The following FMN2 variants were observed in gnomAD, a reference collection of about 807,000 sequenced individuals.
FMN2 encodes formin 2.
A neutral mutation model predicts 142.3 loss-of-function variants in FMN2; 51 were observed. That is an observed-to-expected ratio of 0.36 (90% CI 0.29 to 0.45). The LOEUF (loss-of-function observed/expected upper bound fraction) is 0.45, where lower values mean the gene tolerates loss of function less well. Ranked by LOEUF, FMN2 falls within the 20% of genes least tolerant of loss-of-function variation. The probability of loss-of-function intolerance (pLI) is 1.00; values close to 1 mark genes in which losing one functional copy is unlikely to be tolerated. For synonymous variants in FMN2, 882 were observed against 869.8 expected, an observed-to-expected ratio of 1.01 and a Z score of -0.25; for missense variants, 1,936 against 2,122.8, an observed-to-expected ratio of 0.91 and a Z score of 1.73.
At chr1:240,122,047 A>C (rs1571949707) in intron 1 of FMN2, among the ~76,000 whole-genome samples, 1 of 147,472 alleles carries the variant, frequency 6.8e-6, no homozygotes, top group East Asian at 2.0e-4. Context: ...CAAGCGGTTT[A>C]GCCTTTTGGA....
At chr1:240,459,719 A>T in intron 16 of FMN2, among the ~76,000 whole-genome samples, 1 of 10,498 alleles carries the variant, frequency 9.5e-5, no homozygotes, top group South Asian at 2.2e-3. Flanking sequence ...TCTGTCTCTA[A>T]AAAAAAAAAA....
chr1:240,428,495 G>T (rs567869011), intron 15 of FMN2, among the ~76,000 whole-genome samples: 10 of 152,100 alleles, frequency 6.6e-5, no homozygotes, highest in Non-Finnish European at 1.5e-4. Context: ...CTTAAGTGTT[G>T]CAACTGCAGA....
chr1:240,254,777 C>T (rs746380330), intron 6 of FMN2, among the ~76,000 whole-genome samples: 17 of 152,210 alleles, frequency 1.1e-4, no homozygotes, highest in Non-Finnish European at 2.1e-4. Context: ...GGGTCGTTGG[C>T]AAAGGCTTGT....
intron 1 of FMN2, among the ~76,000 whole-genome samples, chr1:240,120,493 A>G (rs1662191625): frequency 1.3e-5 from 2 of 152,230 alleles, no homozygotes; most frequent in East Asian, 3.9e-4. Flanking sequence ...TCACAGAATC[A>G]TAGCATTGTA....
At chr1:240,112,996 GAATA>G (rs1044256963) in intron 1 of FMN2, among the ~76,000 whole-genome samples, 2 of 152,218 alleles carry the variant, frequency 1.3e-5, no homozygotes, top group Non-Finnish European at 2.9e-5. Flanking sequence ...AAATATGGTT[GAATA>G]AATAAACGTA....
At chr1:240,111,588 TG>T (rs1200217729) in intron 1 of FMN2, among the ~76,000 whole-genome samples, 1 of 152,150 alleles carries the variant, frequency 6.6e-6, no homozygotes, top group African/African-American at 2.4e-5. Context: ...GAGGTCACTC[TG>T]GTCACCGTCT....
intron 1 of FMN2, among the ~76,000 whole-genome samples, chr1:240,095,112 A>C (rs1481466182): frequency 2.6e-5 from 4 of 151,400 alleles, no homozygotes; most frequent in Admixed American, 2.6e-4. Context: ...CAAAACAAAT[A>C]AAAAAGAAAG....
chr1:240,328,168 A>AAAAAAAAAAAAAAAAAG (rs1553363688), intron 8 of FMN2, among the ~76,000 whole-genome samples: 1 of 135,806 alleles, frequency 7.4e-6, no homozygotes, highest in African/African-American at 2.8e-5. Context: ...AAAAAAAAAA[A>AAAAAAAAAAAAAAAAAG]AAAAGAAAAA....
intron 15 of FMN2, among the ~76,000 whole-genome samples, chr1:240,424,639 T>C (rs1256752330): frequency 1.3e-5 from 2 of 152,214 alleles, no homozygotes; most frequent in Non-Finnish European, 2.9e-5. Flanking sequence ...CCTTCACTCG[T>C]AGACCTTACT....
chr1:240,142,620 A>C (rs1369634203), intron 2 of FMN2: 1 of 1,536,258 alleles, frequency 6.5e-7, no homozygotes, highest in Non-Finnish European at 8.9e-7. Flanking sequence ...AGCAGGATGC[A>C]TGGCCCACTG....
At position 240,336,602 on chromosome 1, in the gene FMN2, C is replaced by T. The variant is rs563961598; in HGVS notation, c.4765+2373C>T. On this transcript the variant is annotated intron_variant, in intron 13 of 17. Transcript: ENST00000319653. The stretch of plus-strand genomic sequence containing the variant: ...AAAAAAGGTGGTTGCAATTGTTTTC[C>T]CATTTATTACAGAGAACTTTTTTCA... Among the ~76,000 whole-genome samples, 342 of 142,952 alleles carry T rather than the reference C, an allele frequency of 2.4e-3. 1 individual carries two copies. The highest frequency in any genetic ancestry group is 8.4e-3 in the African/African-American group (328 of 38,924). The allele number at this position is 142,952 out of a possible 152,430, so 93.8% of individuals were successfully genotyped here. A position where few individuals can be genotyped will look rare whatever the true frequency, so the allele number is the denominator to read the frequency against.
intron 2 of FMN2, among the ~76,000 whole-genome samples, chr1:240,149,304 GATTA>G (rs1175869483): frequency 6.6e-6 from 1 of 152,132 alleles, no homozygotes; most frequent in Non-Finnish European, 1.5e-5. Flanking sequence ...ACTTTTCACA[GATTA>G]ATTTTTACAG....
chr1:240,313,324 G>A (rs1000525590), intron 8 of FMN2, among the ~76,000 whole-genome samples: 5 of 152,082 alleles, frequency 3.3e-5, no homozygotes, highest in African/African-American at 7.2e-5. Context: ...AGAAATGTAT[G>A]GATAATAAAT....
chr1:240,443,771 T>A (rs1347791184), intron 16 of FMN2, among the ~76,000 whole-genome samples: 1 of 152,094 alleles, frequency 6.6e-6, no homozygotes, highest in Non-Finnish European at 1.5e-5. Context: ...AAATTTTTTT[T>A]TCAATTTGTC....
chr1:240,282,785 T>C (rs1013125320), intron 7 of FMN2, among the ~76,000 whole-genome samples: 17 of 152,220 alleles, frequency 1.1e-4, no homozygotes, highest in Non-Finnish European at 2.5e-4. Context: ...GTAGCAAGTG[T>C]CTTCCTTCCT....
intron 15 of FMN2, among the ~76,000 whole-genome samples, chr1:240,397,203 T>C (rs1293302826): frequency 6.6e-6 from 1 of 152,182 alleles, no homozygotes; most frequent in Non-Finnish European, 1.5e-5. Context: ...TCTCTGATGA[T>C]TAGCGATGTT....
At position 240,378,613 on chromosome 1, in the gene FMN2, C is replaced by T. The variant is rs200534492; in HGVS notation, c.4859-13898C>T. Among the ~76,000 whole-genome samples the T allele has an allele frequency of 8.5e-5, 13 of 152,280 alleles. No individual in the cohort carries two copies. In the East Asian group the frequency reaches 2.3e-3, roughly 27 times the overall value. ...ATGATACATTATGCTAGAATGTTTA[C>T]TAATGTCACAGTTCATCAATATTCT... On this transcript the variant is annotated intron_variant, in intron 14 of 17. Transcript: ENST00000319653.
intron 2 of FMN2, among the ~76,000 whole-genome samples, chr1:240,140,339 T>C (rs1023321714): frequency 2.6e-5 from 4 of 152,218 alleles, no homozygotes; most frequent in Non-Finnish European, 4.4e-5. Context: ...GGTGAGATAG[T>C]TTTTATTTTC....
chr1:240,451,484 A>T lies in FMN2; in HGVS notation c.5060+13274A>T, dbSNP rs1216215204. ...TCAGTACCAACTCTTTTTGGGCTTT[A>T]CAATATTCTGCCCCTGCAGTGGTTC... is the stretch of plus-strand genomic sequence containing the variant. On this transcript the variant is annotated intron_variant, in intron 16 of 17. Coordinates refer to ENST00000319653, the MANE Select transcript of FMN2 (RefSeq NM_020066.5). Among the ~76,000 whole-genome samples the T allele has an allele frequency of 2.0e-5, 3 of 152,102 alleles. 1 individual carries two copies. Among genetic ancestry groups the T allele is most frequent in the Non-Finnish European group, 4.4e-5 (3 of 68,028 alleles).
Sources: allele counts gnomAD v4.1 joint callset (sites outside exome capture counted in the v4.1 genomes callset), GRCh38; gene constraint gnomAD v4.1.1; transcripts MANE v1.5; gene names NCBI Gene and HGNC (gene_info 2026-07-23, HGNC 2026-07-21).